NCKAP5: variants seen among roughly 807,000 people sequenced by gnomAD.
NCKAP5 encodes NCK associated protein 5.
A neutral mutation model predicts 167.0 loss-of-function variants in NCKAP5; 92 were observed. The ratio of observed to expected loss-of-function variants is 0.55; its 90% CI spans 0.47 to 0.66. The LOEUF (loss-of-function observed/expected upper bound fraction) is 0.66, where lower values mean the gene tolerates loss of function less well. NCKAP5 is among the 30% of genes least tolerant of loss of function. The pLI, the probability that NCKAP5 is intolerant of heterozygous loss-of-function variation, is 0.00. For missense variants in NCKAP5, 2,378 were observed against 2,315.0 expected, an observed-to-expected ratio of 1.03 and a Z score of -0.56; for synonymous variants, 891 against 877.4, an observed-to-expected ratio of 1.02 and a Z score of -0.27.
intron 3 of NCKAP5, among the ~76,000 whole-genome samples, chr2:133,372,157 A>G (rs1361365356): frequency 1.3e-5 from 2 of 152,228 alleles, no homozygotes; most frequent in Admixed American, 6.5e-5. Context: ...TGAGAGTCAT[A>G]CATGGAGAGC....
chr2:132,851,390 A>G (rs1689066294), intron 11 of NCKAP5, among the ~76,000 whole-genome samples: 3 of 152,138 alleles, frequency 2.0e-5, no homozygotes, highest in Admixed American at 2.0e-4. Flanking sequence ...TGGCATTAGG[A>G]TATGAGAGTA....
intron 4 of NCKAP5, among the ~76,000 whole-genome samples, chr2:133,297,399 T>A (rs1680044673): frequency 1.3e-5 from 2 of 152,200 alleles, no homozygotes; most frequent in South Asian, 4.1e-4. Context: ...GCTAGACAGT[T>A]ATTTATGAAC....
chr2:133,442,888 A>G (rs556950436), intron 3 of NCKAP5, among the ~76,000 whole-genome samples: 1 of 152,352 alleles, frequency 6.6e-6, no homozygotes, highest in Admixed American at 6.5e-5. Flanking sequence ...AGGCAGCCAC[A>G]GAGTGCTCCT....
the NCKAP5 span, among the ~76,000 whole-genome samples, chr2:133,653,645 C>A: frequency 6.6e-6 from 1 of 152,174 alleles, no homozygotes; most frequent in East Asian, 1.9e-4. Flanking sequence ...TGCAAATAAT[C>A]TTTTTCCTAA....
intron 10 of NCKAP5, 98 bp from the exon 11 acceptor site, chr2:132,860,709 A>C (rs1689829788): frequency 3.6e-6 from 5 of 1,383,540 alleles, no homozygotes; most frequent in South Asian, 1.5e-5. Flanking sequence ...TTAGTAAAAA[A>C]CGGTATTTTT....
intron 8 of NCKAP5, among the ~76,000 whole-genome samples, chr2:132,950,455 C>G (rs1359774307): frequency 6.6e-6 from 1 of 152,102 alleles, no homozygotes; most frequent in Non-Finnish European, 1.5e-5. Context: ...AGCTCTTATA[C>G]CTTTGCAATG....
chr2:132,878,613 TACACACACAC>T (rs10544477), intron 9 of NCKAP5, among the ~76,000 whole-genome samples: 5,017 of 131,936 alleles, frequency 0.038, 226 homozygotes, highest in East Asian at 0.15. Context: ...GGGGGGCAGA[TACACACACAC>T]ACACACACAC....
At chr2:133,540,004 C>T (rs1686090572) in intron 2 of NCKAP5, among the ~76,000 whole-genome samples, 1 of 152,068 alleles carries the variant, frequency 6.6e-6, no homozygotes, top group African/African-American at 2.4e-5. Context: ...CACAGTGAAA[C>T]CCCATCTCTA....
chr2:132,858,954 G>GA (rs1162550579), intron 11 of NCKAP5, among the ~76,000 whole-genome samples: 3 of 151,782 alleles, frequency 2.0e-5, no homozygotes, highest in East Asian at 3.9e-4. Context: ...AGGCAGAACA[G>GA]AAAAAAAATC....
intron 6 of NCKAP5, among the ~76,000 whole-genome samples, chr2:133,092,724 T>C (rs1044480650): frequency 5.3e-5 from 8 of 152,196 alleles, no homozygotes; most frequent in Admixed American, 1.3e-4. Context: ...AGAAAAGTAA[T>C]ACAGCCAGTA....
At chr2:133,175,250 A>T (rs956404291) in intron 5 of NCKAP5, among the ~76,000 whole-genome samples, 2 of 152,144 alleles carry the variant, frequency 1.3e-5, no homozygotes, top group Non-Finnish European at 2.9e-5. Context: ...AATACCATAG[A>T]CATGTTAACC....
chr2:133,602,666 G>C, the NCKAP5 span, among the ~76,000 whole-genome samples: 1 of 152,196 alleles, frequency 6.6e-6, no homozygotes, highest in African/African-American at 2.4e-5. Flanking sequence ...TGCAGCAGTA[G>C]ACAAATTCAT....
intron 8 of NCKAP5, among the ~76,000 whole-genome samples, chr2:132,957,804 GC>G (rs1336905883): frequency 2.0e-5 from 3 of 152,100 alleles, no homozygotes; most frequent in African/African-American, 7.2e-5. Flanking sequence ...AAGAGGTTTT[GC>G]CCCACACCCA....
chr2:133,624,528 T>C, the NCKAP5 span, among the ~76,000 whole-genome samples: 1 of 152,166 alleles, frequency 6.6e-6, no homozygotes, highest in Non-Finnish European at 1.5e-5. Flanking sequence ...TTGGTGTTCT[T>C]CGTTCAGGGC....
rs144982449 is a variant in NCKAP5 at position 133,497,339 on chromosome 2, A to T, written c.69+20119T>A. Among the ~76,000 whole-genome samples, 784 of 152,320 alleles carry T rather than the reference A, an allele frequency of 5.1e-3. 21 individuals are homozygous for T. Among genetic ancestry groups the T allele is most frequent in the Admixed American group, 0.044 (669 of 15,294 alleles). On this transcript the variant is annotated intron_variant, in intron 3 of 19. Coordinates refer to ENST00000409261, the MANE Select transcript of NCKAP5 (RefSeq NM_207363.3). ...ATGAGGCAGAAGCTCTGTTTTCTTA[A>T]TACTCCCTTAATTACAAGGAGACTG...
chr2:133,245,745 G>A (rs188148625), intron 4 of NCKAP5, among the ~76,000 whole-genome samples: 4 of 152,158 alleles, frequency 2.6e-5, no homozygotes. Flanking sequence ...CAGGCCACAA[G>A]TAGTTTCAAT....
chr2:133,044,367 A>G lies in NCKAP5; in HGVS notation c.342-50128T>C, dbSNP rs72842423. On this transcript the variant is annotated intron_variant, in intron 6 of 19. Coordinates refer to ENST00000409261, the MANE Select transcript of NCKAP5 (RefSeq NM_207363.3). ...ATAACCAAAAAAGGACTGGTATCCC[A>G]TACATCAATAAGAACCCAACAAACA... Among the ~76,000 whole-genome samples the G allele has an allele frequency of 3.9e-3, 590 of 152,324 alleles. 2 individuals are homozygous for G. The highest frequency in any genetic ancestry group is 5.6e-3 in the Admixed American group (86 of 15,296).
rs1681619042 is a variant in NCKAP5, at chr2:133,316,498, G to A, written c.70-13388C>T. Among the ~76,000 whole-genome samples the A allele has an allele frequency of 3.3e-5, 5 of 152,292 alleles. No homozygotes were observed. The South Asian group carries it at 1.0e-3, about 32-fold the overall frequency. The stretch of plus-strand genomic sequence containing the variant: ...TCTTTAAGAGACTTCCCTCAAGAAA[G>A]AGGTTACTTCCTGCAGTGTGAGGAG... On this transcript the variant is annotated intron_variant, in intron 3 of 19. Transcript: ENST00000409261.
At chr2:132,698,940 A>G (rs998715269) in intron 19 of NCKAP5, among the ~76,000 whole-genome samples, 1 of 152,238 alleles carries the variant, frequency 6.6e-6, no homozygotes, top group Admixed American at 6.5e-5. Context: ...TGTATGTTGT[A>G]ACAAGCCTTC....
Sources: gnomAD v4.1 joint callset for allele counts (sites outside exome capture counted in the v4.1 genomes callset) on GRCh38, gnomAD v4.1.1 for gene constraint, MANE v1.5 for transcripts, NCBI Gene and HGNC (gene_info 2026-07-23, HGNC 2026-07-21) for gene names.